AKNA: variants seen among roughly 807,000 people sequenced by gnomAD.
AKNA encodes the protein AT-hook transcription factor, also known as microtubule organization protein AKNA.
AKNA carries 67 observed loss-of-function variants against 138.8 expected under a neutral mutation model. The observed-to-expected ratio is 0.48, with a 90% CI of 0.40 to 0.59. AKNA has a LOEUF of 0.59. Ranked by LOEUF, AKNA falls within the 20% of genes least tolerant of loss-of-function variation. The probability of loss-of-function intolerance (pLI) is 0.00; values close to 1 mark genes in which losing one functional copy is unlikely to be tolerated. For missense variants in AKNA, 1,813 were observed against 1,880.4 expected (o/e 0.96, Z 0.66); for synonymous variants, 737 against 754.4 (o/e 0.98, Z 0.38).
intron 16 of AKNA, 150 bp downstream of exon 16, chr9:114,347,574 A>G: frequency 1.2e-6 from 1 of 840,060 alleles, no homozygotes; most frequent in African/African-American, 1.8e-5. Context: ...AATACTGCAC[A>G]GTGAACAAGC....
chr9:114,337,848 G>A (rs1830101393), intron 21 of AKNA, among the ~76,000 whole-genome samples: 1 of 152,172 alleles, frequency 6.6e-6, no homozygotes. Context: ...CCCATGTCCT[G>A]GGAAGTGGGT....
At chr9:114,396,998 A>C (rs962224152), upstream of AKNA, among the ~76,000 whole-genome samples, 1 of 152,198 alleles carries the variant, frequency 6.6e-6, no homozygotes. Flanking sequence ...GACCATTCCC[A>C]GTCTCTCTGG....
At chr9:114,365,291 T>C (rs2131958589) in intron 6 of AKNA, among the ~76,000 whole-genome samples, 1 of 152,274 alleles carries the variant, frequency 6.6e-6, no homozygotes, top group Admixed American at 6.5e-5. Context: ...CAAAAATAAA[T>C]ATTCAAATTT....
chr9:114,332,643 C>T (rs1316444393), downstream of AKNA, among the ~76,000 whole-genome samples: 1 of 152,076 alleles, frequency 6.6e-6, no homozygotes, highest in Non-Finnish European at 1.5e-5. Flanking sequence ...TGGGACAGGG[C>T]TTATGAACGC....
rs141490855 is a variant in AKNA, at chr9:114,343,951, C to T, written c.3662-148G>A. The T allele has an allele frequency of 1.0e-3, 681 of 663,864 alleles. 4 individuals carry two copies. The highest frequency in any genetic ancestry group is 3.9e-3 in the African/African-American group (212 of 54,768). The allele number at this position is 663,864 out of a possible 1,614,324, so 41.1% of individuals were successfully genotyped here. On this transcript the variant is annotated intron_variant, in intron 18 of 21. Transcript: ENST00000374088. ...CGTGTGCACACGGTGAGTGTGCATA[C>T]ACACATCATGTGTAAAATATGTACA...
At chr9:114,362,031 A>C in intron 8 of AKNA, 120 bp from the exon 9 acceptor site, 1 of 997,304 alleles carries the variant, frequency 1.0e-6, no homozygotes, top group Non-Finnish European at 1.5e-6. Flanking sequence ...ATTTAATATC[A>C]GCCTTTAGAT....
In AKNA at chr9:114,335,080, G is replaced by A. The variant is rs1162033786; in HGVS notation, c.*1974C>T. On this transcript the variant is annotated 3_prime_UTR_variant, in exon 22 of 22. Coordinates refer to ENST00000374088, the MANE Select transcript of AKNA (RefSeq NM_001317950.2). ...ACACCATTTTCAACCATACTCAGGAGGATCCGCTGAAAAATGAAACAGAAA... is the reference window on the plus strand; with the variant it reads ...ACACCATTTTCAACCATACTCAGGAAGATCCGCTGAAAAATGAAACAGAAA... 3 of 152,234 alleles carry A rather than the reference G, an allele frequency of 2.0e-5. No individual in the cohort carries two copies. Among genetic ancestry groups the A allele is most frequent in the Non-Finnish European group, 4.4e-5 (3 of 68,050 alleles). The allele number at this position is 152,234 out of a possible 1,614,324, so 9.4% of individuals were successfully genotyped here.
At chr9:114,392,724 T>C (rs1834392155), upstream of AKNA, among the ~76,000 whole-genome samples, 1 of 152,182 alleles carries the variant, frequency 6.6e-6, no homozygotes, top group African/African-American at 2.4e-5. Context: ...CAACCCCAGG[T>C]CTAGCGATGA....
At chr9:114,382,338 C>G (rs1332733849) in intron 1 of AKNA, among the ~76,000 whole-genome samples, 2 of 152,134 alleles carry the variant, frequency 1.3e-5, no homozygotes, top group African/African-American at 4.8e-5. Flanking sequence ...CGCCTATAAT[C>G]CCAGCACTTT....
chr9:114,345,973 G>A lies in AKNA; in HGVS notation c.3551C>T (p.Ser1184Phe), dbSNP rs757292512. Residue 1184 changes from serine (S) to phenylalanine (F), a missense_variant, in exon 18 of 22, where the codon TCT (serine) becomes TTT (phenylalanine). Physicochemically the swap from Ser to Phe is radical, Grantham distance 155. Transcript: ENST00000374088. ...ESELPSLPLFSEKSKTTKDSP... is the reference protein window; with the variant it reads ...ESELPSLPLFFEKSKTTKDSP... ...GTCCTTGGTGGTCTTGCTCTTCTCA[G>A]AGAACAGTGGTAGGGAGGGCAGCTC... is the stretch of plus-strand genomic sequence containing the variant. The A allele has an allele frequency of 6.8e-6, 11 of 1,613,946 alleles. No individual in the cohort carries two copies. The highest frequency in any genetic ancestry group is 5.0e-5 in the Admixed American group (3 of 59,990).
intron 15 of AKNA, among the ~76,000 whole-genome samples, chr9:114,348,142 T>C (rs187592260): frequency 6.6e-6 from 1 of 152,338 alleles, no homozygotes; most frequent in African/African-American, 2.4e-5. Context: ...AAGTTTTCTC[T>C]TCCTAACACA....
At chr9:114,339,574 G>C (rs1449015044) in intron 21 of AKNA, among the ~76,000 whole-genome samples, 1 of 152,222 alleles carries the variant, frequency 6.6e-6, no homozygotes. Flanking sequence ...CCACAGGCCT[G>C]AGCCTGGAAG....
At chr9:114,377,685 G>C in intron 2 of AKNA, 153 bp from the exon 3 acceptor site, 1 of 769,024 alleles carries the variant, frequency 1.3e-6, no homozygotes, top group South Asian at 1.9e-5. Context: ...CCAAGTGCTT[G>C]TCTGATACCT....
At chr9:114,332,745 TCA>T (rs1402017013), downstream of AKNA, among the ~76,000 whole-genome samples, 1 of 152,170 alleles carries the variant, frequency 6.6e-6, no homozygotes, top group Non-Finnish European at 1.5e-5. Context: ...ACCCTGCTCC[TCA>T]GTTACATCAT....
Position 114,360,008 on chromosome 9 carries a change from C to T in AKNA, c.2179G>A (p.Val727Met). The T allele has an allele frequency of 6.2e-7, 1 of 1,614,232 alleles. No individual in the cohort carries two copies. The highest frequency in any genetic ancestry group is 8.5e-7 in the Non-Finnish European group (1 of 1,180,042). ...STGPCPLHVNVEVSSGNSEVE... is the reference protein window; with the variant it reads ...STGPCPLHVNMEVSSGNSEVE... ...TCACTGTTGCCAGAGCTCACCTCCA[C>T]ATTTACGTGCAATGGGCAGGGGCCA... is the stretch of plus-strand genomic sequence containing the variant. Residue 727 changes from valine (V) to methionine (M), a missense_variant, in exon 10 of 22, where the codon GTG (valine) becomes ATG (methionine). By Grantham distance (21) the Val-to-Met change is conservative. Transcript: ENST00000374088.
At chr9:114,359,530 A>G (rs1831765093) in intron 11 of AKNA, 64 bp downstream of exon 11, 2 of 1,612,782 alleles carry the variant, frequency 1.2e-6, no homozygotes, top group Non-Finnish European at 1.7e-6. Flanking sequence ...TCACTCTGAC[A>G]GTGATCATCC....
At chr9:114,391,270 T>A (rs555861612), upstream of AKNA, among the ~76,000 whole-genome samples, 10 of 152,320 alleles carry the variant, frequency 6.6e-5, no homozygotes, top group South Asian at 2.1e-3. Flanking sequence ...GCAGAGATAA[T>A]TAATACCTGT....
At chr9:114,388,309 C>A (rs868600902), upstream of AKNA, among the ~76,000 whole-genome samples, 45 of 152,236 alleles carry the variant, frequency 3.0e-4, no homozygotes, top group African/African-American at 1.1e-3. Flanking sequence ...CAAGGTCACA[C>A]AGCATGCTGT....
chr9:114,337,013 G>GTCCCCCC lies in AKNA; in HGVS notation c.*40_*41insGGGGGGA. The GTCCCCCC allele has an allele frequency of 1.7e-6, 2 of 1,185,370 alleles. No homozygotes were observed. The highest frequency in any genetic ancestry group is 2.2e-6 in the Non-Finnish European group (2 of 921,704). The allele number at this position is 1,185,370 out of a possible 1,614,324, so 73.4% of individuals were successfully genotyped here. ...CCACTCCTGGCCTGGCAGGCCACCT[G>GTCCCCCC]CCCACCCACCCACCCATCTGCCTCT... is the stretch of plus-strand genomic sequence containing the variant. On this transcript the variant is annotated 3_prime_UTR_variant, in exon 22 of 22. Coordinates refer to ENST00000374088, the MANE Select transcript of AKNA (RefSeq NM_001317950.2).
Sources: gnomAD v4.1 joint callset for allele counts (sites outside exome capture counted in the v4.1 genomes callset) on GRCh38, gnomAD v4.1.1 for gene constraint, MANE v1.5 for transcripts, NCBI Gene and HGNC (gene_info 2026-07-23, HGNC 2026-07-21) for gene names.